Variants in NTRK2 observed in about 807,000 individuals in gnomAD.
NTRK2 encodes the protein BDNF/NT-3 growth factors receptor.
NTRK2 carries 13 observed loss-of-function variants against 94.5 expected under a neutral mutation model. The ratio of observed to expected loss-of-function variants is 0.14; its 90% CI spans 0.09 to 0.22. The LOEUF is 0.22. NTRK2 is among the 10% of genes least tolerant of loss of function. The probability of loss-of-function intolerance (pLI) is 1.00; values close to 1 mark genes in which losing one functional copy is unlikely to be tolerated. For synonymous variants in NTRK2, 372 were observed against 407.4 expected (o/e 0.91, Z 1.05); for missense variants, 639 against 1,071.2 (o/e 0.60, Z 5.63).
At chr9:84,674,393 G>A (rs1349574270) in intron 2 of NTRK2, among the ~76,000 whole-genome samples, 1 of 152,140 alleles carries the variant, frequency 6.6e-6, no homozygotes, top group Non-Finnish European at 1.5e-5. Context: ...GCCTGGTTAA[G>A]CAGCTGTAAT....
intron 14 of NTRK2, among the ~76,000 whole-genome samples, chr9:84,917,123 G>A (rs1372978541): frequency 2.0e-5 from 3 of 152,282 alleles, no homozygotes; most frequent in African/African-American, 7.2e-5. Flanking sequence ...TGGTTTTGGA[G>A]AGAGGTTTGA....
chr9:84,744,432 G>A (rs1397729836), intron 10 of NTRK2, among the ~76,000 whole-genome samples: 1 of 152,020 alleles, frequency 6.6e-6, no homozygotes, highest in Non-Finnish European at 1.5e-5. Context: ...ATCCTCTTAC[G>A]TCTCTGCCCT....
At position 84,688,277 on chromosome 9, in the gene NTRK2, A is replaced by G. The variant is rs186621772; in HGVS notation, c.213-13882A>G. The stretch of plus-strand genomic sequence containing the variant: ...CCCAATGCTCAGGGCTAAAGGTGCC[A>G]TGGACCAGGCTGATCGGCCCTTTGC... On this transcript the variant is annotated intron_variant, in intron 2 of 18. Coordinates refer to ENST00000277120, the MANE Select transcript of NTRK2 (RefSeq NM_006180.6). Among the ~76,000 whole-genome samples the G allele has an allele frequency of 2.2e-3, 328 of 152,366 alleles. 1 individual carries two copies. The highest frequency in any genetic ancestry group is 3.6e-3 in the Non-Finnish European group (242 of 68,036).
In NTRK2 at chr9:84,976,694, C is replaced by T. The variant is rs146751312; in HGVS notation, c.2172+21177C>T. Among the ~76,000 whole-genome samples, 246 of 152,070 alleles carry T rather than the reference C, an allele frequency of 1.6e-3. 1 individual carries two copies. Among genetic ancestry groups the T allele is most frequent in the Admixed American group, 2.4e-3 (36 of 15,288 alleles). ...AAGGGCAGGTGCTGGCCAGCTTGCTCTGTTTGACAGAGGTAGCAAGGCCCT... is the reference window on the plus strand; with the variant it reads ...AAGGGCAGGTGCTGGCCAGCTTGCTTTGTTTGACAGAGGTAGCAAGGCCCT... On this transcript the variant is annotated intron_variant, in intron 17 of 18. Coordinates refer to ENST00000277120, the MANE Select transcript of NTRK2 (RefSeq NM_006180.6).
intron 14 of NTRK2, among the ~76,000 whole-genome samples, chr9:84,871,287 C>T (rs572131873): frequency 6.6e-6 from 1 of 152,142 alleles, no homozygotes; most frequent in African/African-American, 2.4e-5. Context: ...GGAGTATGGG[C>T]CTGGTATTGA....
intron 17 of NTRK2, among the ~76,000 whole-genome samples, chr9:84,967,581 C>T (rs552847446): frequency 6.6e-6 from 1 of 152,276 alleles, no homozygotes; most frequent in African/African-American, 2.4e-5. Context: ...CACAGCCTTA[C>T]GACAGCACCA....
intron 14 of NTRK2, among the ~76,000 whole-genome samples, chr9:84,909,240 T>G (rs975350126): frequency 2.0e-5 from 3 of 152,196 alleles, no homozygotes; most frequent in Non-Finnish European, 1.5e-5. Context: ...AAGGTGGTTG[T>G]GTGTATCAGT....
At chr9:84,854,345 A>T (rs577263253) in intron 12 of NTRK2, among the ~76,000 whole-genome samples, 2 of 152,246 alleles carry the variant, frequency 1.3e-5, no homozygotes, top group Admixed American at 6.5e-5. Context: ...TCACTTCTTG[A>T]CTACTCCTTT....
chr9:84,934,015 A>T, intron 14 of NTRK2, 147 bp from the exon 15 acceptor site: 1 of 807,340 alleles, frequency 1.2e-6, no homozygotes, highest in South Asian at 1.5e-5. Flanking sequence ...TGGACTGTGA[A>T]GATGGACACC....
intron 14 of NTRK2, among the ~76,000 whole-genome samples, chr9:84,894,944 C>T (rs1028447595): frequency 6.6e-6 from 1 of 152,042 alleles, no homozygotes; most frequent in Non-Finnish European, 1.5e-5. Context: ...CACAAGAAAA[C>T]ATACAGGTTT....
intron 12 of NTRK2, among the ~76,000 whole-genome samples, chr9:84,824,197 G>A (rs1327488842): frequency 6.6e-6 from 1 of 152,180 alleles, no homozygotes; most frequent in Non-Finnish European, 1.5e-5. Context: ...ATAGCTCAAG[G>A]GAAGGCCTCC....
Position 84,726,526 on chromosome 9 carries a change from T to A in NTRK2, c.854-1128T>A, listed in dbSNP as rs374487578. 8.5e-5 allele frequency among the ~76,000 whole-genome samples: 13 copies of A among 152,214 alleles called. No individual in the cohort carries two copies. The East Asian group carries it at 2.3e-3, about 27-fold the overall frequency. On this transcript the variant is annotated intron_variant, in intron 8 of 18. Coordinates refer to ENST00000277120, the MANE Select transcript of NTRK2 (RefSeq NM_006180.6). ...AAACTAAAAATATTAACAACCAAGATAACCAGTGCAGAGACCCCACTCAGA... is the reference window on the plus strand; with the variant it reads ...AAACTAAAAATATTAACAACCAAGAAAACCAGTGCAGAGACCCCACTCAGA...
At chr9:84,775,252 T>A (rs1539676) in intron 12 of NTRK2, among the ~76,000 whole-genome samples, 2 of 152,124 alleles carry the variant, frequency 1.3e-5, no homozygotes, top group African/African-American at 4.8e-5. Context: ...CAGAGAGAAT[T>A]GAATCTGCTT....
At chr9:84,690,324 G>A (rs2059969450) in intron 2 of NTRK2, among the ~76,000 whole-genome samples, 1 of 152,106 alleles carries the variant, frequency 6.6e-6, no homozygotes, top group South Asian at 2.1e-4. Flanking sequence ...AGAAGTATTA[G>A]TTCCAAAAAT....
intron 17 of NTRK2, among the ~76,000 whole-genome samples, chr9:84,974,714 A>G (rs1203162933): frequency 3.3e-5 from 5 of 152,116 alleles, no homozygotes; most frequent in Non-Finnish European, 7.3e-5. Flanking sequence ...TGATGTGGAG[A>G]ACCTCTTGGT....
chr9:84,672,645 GAAGA>G (rs1554686672), intron 2 of NTRK2, among the ~76,000 whole-genome samples: 1 of 152,142 alleles, frequency 6.6e-6, no homozygotes, highest in Non-Finnish European at 1.5e-5. Context: ...TGCATATAAT[GAAGA>G]AAGAAAGAAG....
At chr9:84,745,994 G>T (rs183973691) in intron 11 of NTRK2, among the ~76,000 whole-genome samples, 1 of 152,164 alleles carries the variant, frequency 6.6e-6, no homozygotes, top group East Asian at 1.9e-4. Context: ...TATGCACACA[G>T]AGCTTCCTGT....
chr9:85,014,547 A>G (rs942107328), intron 17 of NTRK2, among the ~76,000 whole-genome samples: 12 of 152,226 alleles, frequency 7.9e-5, no homozygotes, highest in South Asian at 2.1e-4. Flanking sequence ...CAATTTCAAA[A>G]AATAAATTGT....
At chr9:84,836,643 A>G (rs1183702891) in intron 12 of NTRK2, among the ~76,000 whole-genome samples, 2 of 147,080 alleles carry the variant, frequency 1.4e-5, no homozygotes, top group African/African-American at 2.5e-5. Flanking sequence ...TCCAAAACTC[A>G]TGGAACAGGA....
Sources: allele counts gnomAD v4.1 joint callset (sites outside exome capture counted in the v4.1 genomes callset), GRCh38; gene constraint gnomAD v4.1.1; transcripts MANE v1.5; gene names NCBI Gene and HGNC (gene_info 2026-07-23, HGNC 2026-07-21).